Variants in GRIK1 observed in about 807,000 individuals in gnomAD.
GRIK1 encodes the protein glutamate receptor ionotropic, kainate 1.
Under a neutral mutation model 105.7 loss-of-function variants are expected in GRIK1, and 69 were observed. That is an observed-to-expected ratio of 0.65 (90% CI 0.54 to 0.80). The LOEUF (loss-of-function observed/expected upper bound fraction) is 0.80. Ranked by LOEUF, GRIK1 falls within the 30% of genes least tolerant of loss-of-function variation. The probability of loss-of-function intolerance (pLI) is 0.00; values close to 1 mark genes in which losing one functional copy is unlikely to be tolerated. For missense variants in GRIK1, 1,109 were observed against 1,167.3 expected (o/e 0.95, Z 0.73); for synonymous variants, 438 against 431.3 (o/e 1.02, Z -0.19).
At chr21:29,833,060 G>A (rs1455652487) in intron 1 of GRIK1, among the ~76,000 whole-genome samples, 2 of 152,160 alleles carry the variant, frequency 1.3e-5, no homozygotes, top group African/African-American at 4.8e-5. Context: ...CTGGTTCAAA[G>A]TTCCATAGAT....
chr21:29,918,376 A>G (rs2071074717), intron 1 of GRIK1, among the ~76,000 whole-genome samples: 1 of 152,044 alleles, frequency 6.6e-6, no homozygotes, highest in South Asian at 2.1e-4. Context: ...GACATAACCA[A>G]TCTCATTTTA....
intron 1 of GRIK1, among the ~76,000 whole-genome samples, chr21:29,706,196 T>A (rs1314508116): frequency 6.6e-6 from 1 of 152,166 alleles, no homozygotes; most frequent in Non-Finnish European, 1.5e-5. Flanking sequence ...TCCTTAATAT[T>A]TTCCATTTGG....
intron 13 of GRIK1, among the ~76,000 whole-genome samples, chr21:29,579,977 A>ATGTGTGTG (rs1275481403): frequency 5.0e-4 from 71 of 143,212 alleles, no homozygotes; most frequent in African/African-American, 1.9e-3. Context: ...ATATATATAT[A>ATGTGTGTG]TATATGTGTG....
intron 1 of GRIK1, among the ~76,000 whole-genome samples, chr21:29,827,975 A>ATCTCTCTCTCTCTC (rs71335097): frequency 5.3e-5 from 6 of 113,584 alleles, no homozygotes; most frequent in African/African-American, 1.8e-4. Context: ...TATAGTTAGG[A>ATCTCTCTCTCTCTC]TCTCTCTCTC....
At chr21:29,545,991 C>G (rs2146101591) in intron 16 of GRIK1, among the ~76,000 whole-genome samples, 1 of 152,266 alleles carries the variant, frequency 6.6e-6, no homozygotes, top group Admixed American at 6.5e-5. Context: ...CTCTTCTTTC[C>G]AAGGGTCAGC....
intron 1 of GRIK1, among the ~76,000 whole-genome samples, chr21:29,712,219 A>C (rs2064072943): frequency 6.6e-6 from 1 of 152,002 alleles, no homozygotes; most frequent in Non-Finnish European, 1.5e-5. Flanking sequence ...ATTTACTCAA[A>C]TATAATTTTA....
At chr21:29,666,032 T>G (rs1304173689) in intron 4 of GRIK1, among the ~76,000 whole-genome samples, 1 of 152,182 alleles carries the variant, frequency 6.6e-6, no homozygotes, top group African/African-American at 2.4e-5. Context: ...AAGATTCTAA[T>G]CACAGTCCCT....
At chr21:29,592,004 T>C (rs1203531164) in intron 9 of GRIK1, among the ~76,000 whole-genome samples, 4 of 152,186 alleles carry the variant, frequency 2.6e-5, no homozygotes, top group Non-Finnish European at 4.4e-5. Flanking sequence ...TGAGCCGTGA[T>C]TGCACCACTG....
chr21:29,843,206 G>A (rs2068027670), intron 1 of GRIK1, among the ~76,000 whole-genome samples: 1 of 152,114 alleles, frequency 6.6e-6, no homozygotes, highest in African/African-American at 2.4e-5. Context: ...GGTTGCTAAT[G>A]CCCTCCAGAG....
chr21:29,857,138 G>A (rs2068487343), intron 1 of GRIK1, among the ~76,000 whole-genome samples: 1 of 152,222 alleles, frequency 6.6e-6, no homozygotes, highest in African/African-American at 2.4e-5. Context: ...TAAAACACTA[G>A]TGCAGGTGTA....
At chr21:29,590,172 G>A (rs1046209687) in intron 10 of GRIK1, among the ~76,000 whole-genome samples, 1 of 152,164 alleles carries the variant, frequency 6.6e-6, no homozygotes, top group Non-Finnish European at 1.5e-5. Context: ...TGATAATGGG[G>A]TCATTCAAAC....
chr21:29,584,828 C>G (rs1333624279), intron 12 of GRIK1, among the ~76,000 whole-genome samples: 7 of 152,170 alleles, frequency 4.6e-5, no homozygotes, highest in African/African-American at 1.7e-4. Flanking sequence ...TTCATGGTCT[C>G]AAACTATGAT....
Position 29,558,376 on chromosome 21 carries a change from T to TCACACACACACACACACA in GRIK1, c.2357-3092_2357-3075dup, listed in dbSNP as rs35594883. 1.7e-3 allele frequency among the ~76,000 whole-genome samples: 257 copies of TCACACACACACACACACA among 147,008 alleles called. 1 individual carries two copies. Among genetic ancestry groups the TCACACACACACACACACA allele is most frequent in the African/African-American group, 4.3e-3 (172 of 39,796 alleles). ...TATATATATATTTCATATATATATT[T>TCACACACACACACACACA]CACACACACACACACACACACATAT... On this transcript the variant is annotated intron_variant, in intron 15 of 17. Transcript: ENST00000327783.
chr21:29,560,323 C>CTTTCTTTCTT, intron 15 of GRIK1, among the ~76,000 whole-genome samples: 1 of 121,530 alleles, frequency 8.2e-6, no homozygotes, highest in African/African-American at 3.5e-5. Context: ...TTCTTTCTTT[C>CTTTCTTTCTT]TTTCTTTCTT....
chr21:29,672,682 T>C (rs945625818), intron 4 of GRIK1, among the ~76,000 whole-genome samples: 2 of 152,002 alleles, frequency 1.3e-5, no homozygotes, highest in African/African-American at 2.4e-5. Flanking sequence ...GAGAGAGAGA[T>C]GTTTAATCAC....
intron 1 of GRIK1, among the ~76,000 whole-genome samples, chr21:29,881,598 C>T (rs992535): frequency 0.25 from 37,685 of 151,872 alleles, 5,566 homozygotes; most frequent in African/African-American, 0.42. Flanking sequence ...TTTTATAGAT[C>T]AGGAAACCAA....
At chr21:29,553,135 A>G in intron 16 of GRIK1, 1 of 743,142 alleles carries the variant, frequency 1.3e-6, no homozygotes, top group Non-Finnish European at 1.6e-6. Context: ...TACACAATAT[A>G]TGAGACAGGG....
intron 7 of GRIK1, among the ~76,000 whole-genome samples, chr21:29,641,700 T>C (rs904337495): frequency 6.6e-6 from 1 of 152,164 alleles, no homozygotes; most frequent in African/African-American, 2.4e-5. Flanking sequence ...AATGAATGTT[T>C]CCTTAAATTG....
chr21:29,843,135 G>T (rs1165313790), intron 1 of GRIK1, among the ~76,000 whole-genome samples: 1 of 152,104 alleles, frequency 6.6e-6, no homozygotes, highest in Non-Finnish European at 1.5e-5. Context: ...GCAGGTTCTT[G>T]TCAGTAGGCT....
Sources: allele counts gnomAD v4.1 joint callset (sites outside exome capture counted in the v4.1 genomes callset), GRCh38; gene constraint gnomAD v4.1.1; transcripts MANE v1.5; gene names NCBI Gene and HGNC (gene_info 2026-07-23, HGNC 2026-07-21).